The following MAP4K3 variants were observed in gnomAD, a reference collection of about 807,000 sequenced individuals.
MAP4K3 encodes MAPK/ERK kinase kinase kinase 3.
A neutral mutation model predicts 143.5 loss-of-function variants in MAP4K3; 94 were observed. The observed-to-expected ratio is 0.65, with a 90% CI of 0.55 to 0.78. The LOEUF is 0.78. Ranked by LOEUF, MAP4K3 falls within the 30% of genes least tolerant of loss-of-function variation. The pLI is 0.00. For synonymous variants in MAP4K3, 416 were observed against 347.2 expected, an observed-to-expected ratio of 1.20 and a Z score of -2.20; for missense variants, 1,077 against 1,068.1, an observed-to-expected ratio of 1.01 and a Z score of -0.12.
chr2:39,314,416 T>A (rs1277209672), intron 13 of MAP4K3, among the ~76,000 whole-genome samples: 4 of 152,346 alleles, frequency 2.6e-5, no homozygotes, highest in South Asian at 4.1e-4. Flanking sequence ...TGCTCTCACA[T>A]GCTAAGGATG....
chr2:39,426,463 T>C (rs1022592418), intron 1 of MAP4K3, among the ~76,000 whole-genome samples: 6 of 152,216 alleles, frequency 3.9e-5, no homozygotes, highest in Middle Eastern at 3.4e-3. Context: ...TTCCTGATTT[T>C]GATAATTTAT....
chr2:39,387,757 C>G (rs1048695337), intron 1 of MAP4K3, among the ~76,000 whole-genome samples: 1 of 152,234 alleles, frequency 6.6e-6, no homozygotes, highest in Non-Finnish European at 1.5e-5. Flanking sequence ...GAGTTCCTGA[C>G]AAGCTTCCAG....
At chr2:39,272,057 G>A (rs568066805) in intron 26 of MAP4K3, 51 of 365,836 alleles carry the variant, frequency 1.4e-4, no homozygotes, top group African/African-American at 9.2e-4. Context: ...TGCAGAAAAA[G>A]AATAAAAAAT....
intron 18 of MAP4K3, among the ~76,000 whole-genome samples, chr2:39,291,984 C>G (rs1173762169): frequency 6.6e-6 from 1 of 151,776 alleles, no homozygotes; most frequent in African/African-American, 2.4e-5. Context: ...CAACCTATGC[C>G]CTCAACTGCT....
At position 39,436,953 on chromosome 2, in the gene MAP4K3, G is replaced by A. The variant is rs866976572; in HGVS notation, c.35C>T (p.Pro12Leu). 1 of 1,612,654 alleles carries A rather than the reference G, an allele frequency of 6.2e-7. No individual in the cohort carries two copies. Among genetic ancestry groups the A allele is most frequent in the South Asian group, 1.1e-5 (1 of 91,050 alleles). The change falls in exon 1 of 34, where the codon CCG becomes CTG. Residue 12 changes from proline to leucine, a missense_variant. Around this residue, in one of 2 missense-constraint regions of MAP4K3, gnomAD observed 213 missense variants for 266.8 expected, o/e 0.80. Transcript: ENST00000263881. Reference protein sequence around the residue: ...NPGFDLSRRNPQEDFELIQRI... With the variant: ...NPGFDLSRRNLQEDFELIQRI... ...CTGAATCAGCTCGAAGTCCTCCTGC[G>A]GGTTCCGGCGGGACAAATCGAAGCC...
intron 3 of MAP4K3, among the ~76,000 whole-genome samples, chr2:39,345,111 A>T (rs1001304391): frequency 2.0e-5 from 3 of 152,170 alleles, no homozygotes; most frequent in Non-Finnish European, 4.4e-5. Context: ...AGTGGCTCAC[A>T]CCTGTAATCT....
chr2:39,263,800 G>A (rs553312937), intron 28 of MAP4K3, among the ~76,000 whole-genome samples: 15 of 152,180 alleles, frequency 9.9e-5, no homozygotes, highest in Admixed American at 3.3e-4. Flanking sequence ...CCATCTACCC[G>A]GAAAAGAGAA....
chr2:39,331,356 A>G (rs1276899104), intron 8 of MAP4K3, among the ~76,000 whole-genome samples: 1 of 152,174 alleles, frequency 6.6e-6, no homozygotes, highest in Non-Finnish European at 1.5e-5. Context: ...TAGTTTTTAT[A>G]CTATGATCAG....
intron 31 of MAP4K3, among the ~76,000 whole-genome samples, chr2:39,255,212 G>GTTTTGCATTATTACAAACAA (rs1680297189): frequency 6.6e-6 from 1 of 152,020 alleles, no homozygotes. Flanking sequence ...GTTATTTCTA[G>GTTTTGCATTATTACAAACAA]TTTTGCATTA....
chr2:39,343,400 C>A lies in MAP4K3; in HGVS notation c.298G>T (p.Asp100Tyr). 6.2e-7 allele frequency: 1 copy of A among 1,612,702 alleles called. No individual in the cohort carries two copies. The highest frequency in any genetic ancestry group is 8.5e-7 in the Non-Finnish European group (1 of 1,179,196). ...ACTTTGGTCTTACCGTGATAAATAT[C>A]CTGTAAAGAACCACCTCCACAAAAC... ...MEFCGGGSLQ[D>Y]IYHVTGPLSE... The change falls in exon 4 of 34, where the codon GAT (aspartate) becomes TAT (tyrosine). Residue 100 changes from aspartate to tyrosine, a missense_variant. Transcript: ENST00000263881.
intron 2 of MAP4K3, among the ~76,000 whole-genome samples, chr2:39,358,340 T>C (rs114150849): frequency 0.019 from 2,842 of 152,314 alleles, 93 homozygotes; most frequent in African/African-American, 0.063. Flanking sequence ...AAAGATGTGA[T>C]CAATAAAGAA....
intron 2 of MAP4K3, among the ~76,000 whole-genome samples, chr2:39,366,573 C>G (rs748211285): frequency 2.0e-5 from 3 of 152,204 alleles, no homozygotes; most frequent in African/African-American, 7.2e-5. Flanking sequence ...GTAGTTCCAC[C>G]TCTGCTTCCA....
rs187833231 is a variant in MAP4K3, at chr2:39,333,154, A to C, written c.457+378T>G. Reference sequence around the variant, plus strand: ...TAAGTAATGCTGTATTTTATTTTAAAAGCTTTATGTGAAGAATAAAGTGTT... The same window carrying C: ...TAAGTAATGCTGTATTTTATTTTAACAGCTTTATGTGAAGAATAAAGTGTT... On this transcript the variant is annotated intron_variant, in intron 7 of 33. Transcript: ENST00000263881. 1.9e-3 allele frequency among the ~76,000 whole-genome samples: 285 copies of C among 152,280 alleles called. 1 individual carries two copies. The highest frequency in any genetic ancestry group is 6.5e-3 in the African/African-American group (270 of 41,574).
At chr2:39,375,578 T>A (rs1035131094) in intron 2 of MAP4K3, among the ~76,000 whole-genome samples, 2 of 152,224 alleles carry the variant, frequency 1.3e-5, no homozygotes, top group African/African-American at 2.4e-5. Context: ...TAAAGAACTG[T>A]AATGTTGTTA....
intron 1 of MAP4K3, among the ~76,000 whole-genome samples, chr2:39,408,766 G>C (rs77096988): frequency 0.046 from 7,009 of 152,200 alleles, 189 homozygotes; most frequent in African/African-American, 0.053. Flanking sequence ...ATGGAGATGA[G>C]TGCTTCTAAA....
chr2:39,406,397 C>G (rs1482287347), intron 1 of MAP4K3, among the ~76,000 whole-genome samples: 1 of 152,088 alleles, frequency 6.6e-6, no homozygotes, highest in Non-Finnish European at 1.5e-5. Flanking sequence ...AAAACACCAG[C>G]AGATTTAACC....
intron 2 of MAP4K3, among the ~76,000 whole-genome samples, chr2:39,372,942 T>A (rs1162270739): frequency 6.6e-6 from 1 of 151,984 alleles, no homozygotes; most frequent in Non-Finnish European, 1.5e-5. Flanking sequence ...ACAAATGGGA[T>A]CACATCAAAT....
chr2:39,333,752 G>A (rs1006231986), intron 6 of MAP4K3, among the ~76,000 whole-genome samples, 178 bp from the exon 7 acceptor site: 3 of 151,854 alleles, frequency 2.0e-5, no homozygotes, highest in Non-Finnish European at 2.9e-5. Context: ...CCACTTTTTA[G>A]GCAACTTGAC....
At chr2:39,363,470 C>G (rs111821139) in intron 2 of MAP4K3, among the ~76,000 whole-genome samples, 1 of 152,068 alleles carries the variant, frequency 6.6e-6, no homozygotes, top group African/African-American at 2.4e-5. Flanking sequence ...GAGTTTGAGA[C>G]CAGCCTGGCC....
Sources: gnomAD v4.1 joint callset for allele counts (sites outside exome capture counted in the v4.1 genomes callset) on GRCh38, gnomAD v4.1.1 for gene constraint, gnomAD v4.1.1 regional missense constraint, MANE v1.5 for transcripts, NCBI Gene and HGNC (gene_info 2026-07-23, HGNC 2026-07-21) for gene names.